The following PDE10A variants were observed in gnomAD, a reference collection of about 807,000 sequenced individuals.
The protein encoded by PDE10A is cAMP and cAMP-inhibited cGMP 3',5'-cyclic phosphodiesterase 10A.
In PDE10A, 39 loss-of-function variants were observed where a neutral mutation model predicts 97.7. The ratio of observed to expected loss-of-function variants is 0.40; its 90% CI spans 0.31 to 0.52. PDE10A has a LOEUF of 0.52. Ranked by LOEUF, PDE10A falls within the 20% of genes least tolerant of loss-of-function variation. PDE10A has a pLI of 0.56. For missense variants in PDE10A, 731 were observed against 1,047.8 expected (o/e 0.70, Z 4.17); for synonymous variants, 371 against 376.8 (o/e 0.98, Z 0.18).
intron 1 of PDE10A, among the ~76,000 whole-genome samples, chr6:165,682,414 G>A (rs916171336): frequency 1.3e-5 from 2 of 152,160 alleles, no homozygotes; most frequent in Non-Finnish European, 2.9e-5. Flanking sequence ...GATTACAGGT[G>A]TGAGCCGTTG....
chr6:165,474,423 G>T (rs1017277180), intron 3 of PDE10A, among the ~76,000 whole-genome samples: 2 of 152,192 alleles, frequency 1.3e-5, no homozygotes, highest in African/African-American at 4.8e-5. Context: ...CCTTAAAGAA[G>T]TAATGTTCAC....
intron 3 of PDE10A, among the ~76,000 whole-genome samples, chr6:165,467,223 T>G (rs1778706167): frequency 6.6e-6 from 1 of 152,224 alleles, no homozygotes; most frequent in Non-Finnish European, 1.5e-5. Flanking sequence ...AAGTGCAATG[T>G]GAAGCAGCAA....
At chr6:165,508,968 T>C (rs1781356515) in intron 2 of PDE10A, among the ~76,000 whole-genome samples, 2 of 152,042 alleles carry the variant, frequency 1.3e-5, no homozygotes, top group African/African-American at 4.8e-5. Flanking sequence ...ATCAGCGATG[T>C]GCTTCCCATC....
At chr6:165,813,623 A>G (rs1029035286) in intron 1 of PDE10A, among the ~76,000 whole-genome samples, 3 of 152,214 alleles carry the variant, frequency 2.0e-5, no homozygotes, top group African/African-American at 7.2e-5. Flanking sequence ...GTAAGGTAAT[A>G]TATAAATCTG....
intron 1 of PDE10A, among the ~76,000 whole-genome samples, chr6:165,577,554 A>G (rs992542129): frequency 1.3e-5 from 2 of 152,150 alleles, no homozygotes; most frequent in African/African-American, 2.4e-5. Flanking sequence ...GTGCCAAGCC[A>G]AGGAGCTGCC....
chr6:165,332,872 T>C lies in PDE10A; in HGVS notation c.*153A>G. On this transcript the variant is annotated 3_prime_UTR_variant, in exon 22 of 22. Coordinates refer to ENST00000539869, the MANE Select transcript of PDE10A (RefSeq NM_001385079.1). ...AAGAGATTGGCAGGAAGTCCTCTGC[T>C]TGACTTATTTATTTGATGTTACCTT... 1 of 623,458 alleles carries C rather than the reference T, an allele frequency of 1.6e-6. No individual in the cohort carries two copies. Among genetic ancestry groups the C allele is most frequent in the Non-Finnish European group, 2.9e-6 (1 of 348,950 alleles). The allele number at this position is 623,458 out of a possible 1,614,324, so 38.6% of individuals were successfully genotyped here.
At chr6:165,464,183 C>T (rs221738) in intron 3 of PDE10A, among the ~76,000 whole-genome samples, 116,768 of 151,928 alleles carry the variant, frequency 0.77, 45,249 homozygotes, top group Middle Eastern at 0.89. Flanking sequence ...TCGGCATATA[C>T]ATACACACAC....
chr6:165,929,171 G>A (rs903063177), intron 1 of PDE10A, among the ~76,000 whole-genome samples: 1 of 152,180 alleles, frequency 6.6e-6, no homozygotes, highest in African/African-American at 2.4e-5. Flanking sequence ...CATGTGGCGG[G>A]CATTCGGTAA....
Position 165,821,475 on chromosome 6 carries a change from G to A in PDE10A, c.-615+166054C>T, listed in dbSNP as rs141774500. Among the ~76,000 whole-genome samples, 9 of 152,240 alleles carry A rather than the reference G, an allele frequency of 5.9e-5. No homozygotes were observed. In the East Asian group the frequency reaches 1.7e-3, roughly 29 times the overall value. On this transcript the variant is annotated intron_variant, in intron 1 of 19. Coordinates refer to the PDE10A transcript ENST00000366882. ...AGATGTCATTTATTTAAATGTAGGA[G>A]ACAAGTTTAAATGATGCTCCTCTGT...
At chr6:165,364,573 T>C (rs902904273) in intron 18 of PDE10A, among the ~76,000 whole-genome samples, 2 of 152,186 alleles carry the variant, frequency 1.3e-5, no homozygotes, top group African/African-American at 2.4e-5. Flanking sequence ...GGAAATTTGA[T>C]TGGAAAAAGG....
At position 165,332,957 on chromosome 6, in the gene PDE10A, A is replaced by G; in HGVS notation, c.*68T>C. On this transcript the variant is annotated 3_prime_UTR_variant, in exon 22 of 22. Coordinates refer to ENST00000539869, the MANE Select transcript of PDE10A (RefSeq NM_001385079.1). ...GGTTCCCCCCACCCCCCCCAAAAAAAGGAAAAGAATGTCAAAGAAGCAAGA... is the reference window on the plus strand; with the variant it reads ...GGTTCCCCCCACCCCCCCCAAAAAAGGGAAAAGAATGTCAAAGAAGCAAGA... The G allele has an allele frequency of 2.9e-6, 2 of 698,950 alleles. No individual in the cohort carries two copies. Among genetic ancestry groups the G allele is most frequent in the Admixed American group, 2.0e-5 (1 of 49,744 alleles). 43.3% of individuals were successfully genotyped at this position (698,950 alleles called of 1,614,324 possible). A position where few individuals can be genotyped will look rare whatever the true frequency, so the allele number is the denominator to read the frequency against.
chr6:165,574,796 T>G (rs898559329), intron 1 of PDE10A, among the ~76,000 whole-genome samples: 4 of 152,200 alleles, frequency 2.6e-5, no homozygotes, highest in African/African-American at 9.7e-5. Flanking sequence ...ATACAGCTAA[T>G]AAAACAATAG....
chr6:165,713,598 T>C (rs965843882), intron 1 of PDE10A, among the ~76,000 whole-genome samples: 1 of 152,144 alleles, frequency 6.6e-6, no homozygotes, highest in Non-Finnish European at 1.5e-5. Flanking sequence ...CAGATAAGGT[T>C]TGACGACAAA....
chr6:165,577,313 G>C (rs1302714348), intron 1 of PDE10A, among the ~76,000 whole-genome samples: 1 of 152,126 alleles, frequency 6.6e-6, no homozygotes, highest in African/African-American at 2.4e-5. Flanking sequence ...TCTACTCTCA[G>C]AAGTACTCTC....
chr6:165,447,185 C>T (rs1279329428), intron 5 of PDE10A, among the ~76,000 whole-genome samples: 1 of 152,124 alleles, frequency 6.6e-6, no homozygotes, highest in Non-Finnish European at 1.5e-5. Context: ...GCATTTTGGG[C>T]TCCCGTCCAC....
At chr6:165,941,918 C>G (rs1187549899) in intron 1 of PDE10A, among the ~76,000 whole-genome samples, 1 of 152,088 alleles carries the variant, frequency 6.6e-6, no homozygotes, top group African/African-American at 2.4e-5. Context: ...AAGAGCAGTC[C>G]CAAAGATCCC....
intron 1 of PDE10A, among the ~76,000 whole-genome samples, chr6:165,911,849 T>G (rs1397494128): frequency 1.3e-5 from 2 of 152,172 alleles, no homozygotes; most frequent in African/African-American, 4.8e-5. Flanking sequence ...GTCATTCATT[T>G]CCAAGGTGCT....
chr6:165,867,722 C>T (rs559652922), intron 1 of PDE10A, among the ~76,000 whole-genome samples: 4 of 152,124 alleles, frequency 2.6e-5, no homozygotes, highest in African/African-American at 4.8e-5. Context: ...CTACAGAATA[C>T]GCATTCTCCT....
At chr6:165,776,565 A>G (rs1384576246) in intron 1 of PDE10A, among the ~76,000 whole-genome samples, 1 of 152,210 alleles carries the variant, frequency 6.6e-6, no homozygotes, top group Non-Finnish European at 1.5e-5. Context: ...AATGGCATTC[A>G]TCACTTACAT....
Sources: gnomAD v4.1 joint callset for allele counts (sites outside exome capture counted in the v4.1 genomes callset) on GRCh38, gnomAD v4.1.1 for gene constraint, MANE v1.5 for transcripts, NCBI Gene and HGNC (gene_info 2026-07-23, HGNC 2026-07-21) for gene names.